The following DAPP1 variants were observed in gnomAD, a reference collection of about 807,000 sequenced individuals.
The protein encoded by DAPP1 is dual adapter for phosphotyrosine and 3-phosphotyrosine and 3-phosphoinositide.
In DAPP1, 20 loss-of-function variants were observed where a neutral mutation model predicts 41.5. The ratio of observed to expected loss-of-function variants is 0.48; its 90% CI spans 0.34 to 0.70. The LOEUF (loss-of-function observed/expected upper bound fraction) is 0.70, where lower values mean the gene tolerates loss of function less well. DAPP1 is among the 30% of genes least tolerant of loss of function. DAPP1 has a pLI of 0.01. For missense variants in DAPP1, 233 were observed against 333.4 expected (o/e 0.70, Z 2.35); for synonymous variants, 113 against 116.2 (o/e 0.97, Z 0.18).
chr4:99,856,370 A>T (rs936196176), intron 4 of DAPP1, among the ~76,000 whole-genome samples: 5 of 152,226 alleles, frequency 3.3e-5, no homozygotes, highest in African/African-American at 1.2e-4. Context: ...TCATGTCAAG[A>T]TGTGGAAAGA....
chr4:99,852,780 G>C (rs563367703), intron 3 of DAPP1, among the ~76,000 whole-genome samples: 1 of 152,298 alleles, frequency 6.6e-6, no homozygotes, highest in Admixed American at 6.5e-5. Context: ...CTTTTGTTTA[G>C]TCTTGTTCTC....
At chr4:99,821,266 T>C (rs958676291) in intron 1 of DAPP1, among the ~76,000 whole-genome samples, 1 of 152,188 alleles carries the variant, frequency 6.6e-6, no homozygotes, top group Non-Finnish European at 1.5e-5. Flanking sequence ...CAATAACACT[T>C]TCAATACGAT....
At position 99,840,434 on chromosome 4, in the gene DAPP1, G is replaced by A; in HGVS notation, c.358+12G>A. ...TGGAAGCGAGACAGGTAAGCTATGAGCAGACACTTGACTTATGAAATAATG... is the reference window on the plus strand; with the variant it reads ...TGGAAGCGAGACAGGTAAGCTATGAACAGACACTTGACTTATGAAATAATG... On this transcript the variant is annotated intron_variant, in intron 3 of 8. Transcript: ENST00000512369. 6.2e-7 allele frequency: 1 copy of A among 1,607,676 alleles called. No individual in the cohort carries two copies. The highest frequency in any genetic ancestry group is 8.5e-7 in the Non-Finnish European group (1 of 1,178,110).
intron 7 of DAPP1, 51 bp from the exon 8 acceptor site, chr4:99,865,954 ATATTATATATATTATATATATATATATAT>A (rs1724431735): frequency 2.2e-5 from 1 of 44,894 alleles, no homozygotes; most frequent in South Asian, 3.4e-4. Context: ...ATTATATATT[ATATTATATATATTATATATATATATATAT>A]ATATAGCTAA....
chr4:99,865,375 A>G (rs1724388171), intron 7 of DAPP1: 1 of 152,238 alleles, frequency 6.6e-6, no homozygotes, highest in Admixed American at 6.5e-5. Flanking sequence ...AAAAATTACT[A>G]TACATTTAGG....
chr4:99,859,535 C>G (rs1459083416), intron 4 of DAPP1, among the ~76,000 whole-genome samples: 1 of 152,158 alleles, frequency 6.6e-6, no homozygotes. Flanking sequence ...ACAATGCTTC[C>G]AATACCACAA....
At chr4:99,868,005 T>TA (rs1432934992) in intron 8 of DAPP1, 112 bp from the exon 9 acceptor site, 15 of 955,182 alleles carry the variant, frequency 1.6e-5, no homozygotes, top group Non-Finnish European at 2.5e-5. Flanking sequence ...ATAATTAACT[T>TA]AGAGTTGTAT....
chr4:99,840,472 G>A (rs751491218), intron 3 of DAPP1, 50 bp downstream of exon 3: 16 of 1,569,364 alleles, frequency 1.0e-5, no homozygotes, highest in Non-Finnish European at 1.4e-5. Context: ...TCGGGATGGA[G>A]GAGAGACAAG....
intron 3 of DAPP1, among the ~76,000 whole-genome samples, chr4:99,841,576 T>C (rs536799484): frequency 6.6e-6 from 1 of 152,228 alleles, no homozygotes; most frequent in Non-Finnish European, 1.5e-5. Context: ...GGTGTATTTA[T>C]TTCCACTGCT....
chr4:99,852,812 T>G (rs967545338), intron 3 of DAPP1, among the ~76,000 whole-genome samples: 2 of 152,210 alleles, frequency 1.3e-5, no homozygotes, highest in African/African-American at 4.8e-5. Context: ...AAAGCCTTCC[T>G]GGAAAACTTC....
chr4:99,859,010 C>T (rs1034128124), intron 4 of DAPP1, among the ~76,000 whole-genome samples: 9 of 152,112 alleles, frequency 5.9e-5, no homozygotes, highest in African/African-American at 2.2e-4. Flanking sequence ...GTGACTCTCC[C>T]TCCTCAGCCT....
At chr4:99,859,616 G>T (rs919131) in intron 4 of DAPP1, among the ~76,000 whole-genome samples, 1 of 152,022 alleles carries the variant, frequency 6.6e-6, no homozygotes, top group African/African-American at 2.4e-5. Flanking sequence ...GTACACTTAT[G>T]TGGTGATCAA....
chr4:99,836,667 G>T (rs147643485), intron 2 of DAPP1, among the ~76,000 whole-genome samples: 1 of 152,262 alleles, frequency 6.6e-6, no homozygotes, highest in Non-Finnish European at 1.5e-5. Context: ...CAGTCTACAC[G>T]GTCACTACTG....
chr4:99,864,042 G>C, intron 7 of DAPP1, 187 bp downstream of exon 7: 1 of 491,200 alleles, frequency 2.0e-6, no homozygotes. Context: ...AAACAAACAG[G>C]CAGGTCAGCT....
intron 1 of DAPP1, among the ~76,000 whole-genome samples, chr4:99,824,610 A>G (rs1043414585): frequency 6.6e-6 from 1 of 152,148 alleles, no homozygotes. Context: ...TGTCTCCTAC[A>G]CTAGCCCACA....
intron 3 of DAPP1, among the ~76,000 whole-genome samples, chr4:99,848,711 C>G (rs1267112158): frequency 6.6e-6 from 1 of 152,158 alleles, no homozygotes; most frequent in Non-Finnish European, 1.5e-5. Flanking sequence ...CTCCGCTCAG[C>G]CTTTCTGAAA....
At chr4:99,851,872 A>T (rs868257060) in intron 3 of DAPP1, among the ~76,000 whole-genome samples, 2 of 151,822 alleles carry the variant, frequency 1.3e-5, no homozygotes, top group Non-Finnish European at 2.9e-5. Context: ...TAGATTTATC[A>T]TTAACATTAG....
chr4:99,828,850 T>C (rs1466607203), intron 1 of DAPP1, among the ~76,000 whole-genome samples: 7 of 152,244 alleles, frequency 4.6e-5, no homozygotes, highest in African/African-American at 1.7e-4. Context: ...GGAGCTTGAT[T>C]AGTCTTTTCT....
chr4:99,835,576 C>A lies in DAPP1; in HGVS notation c.102-47C>A. Reference sequence around the variant, plus strand: ...AAGGAAAAGCCAGTGCAGGGGGAGTCATGCCATGGTTTGGCCTGAGTGAAA... The same window carrying A: ...AAGGAAAAGCCAGTGCAGGGGGAGTAATGCCATGGTTTGGCCTGAGTGAAA... On this transcript the variant is annotated intron_variant, in intron 1 of 8. Transcript: ENST00000512369. The A allele has an allele frequency of 1.9e-6, 3 of 1,600,940 alleles. No homozygotes were observed. In the South Asian group the frequency reaches 3.3e-5, roughly 18 times the overall value.
Sources: gnomAD v4.1 joint callset for allele counts (sites outside exome capture counted in the v4.1 genomes callset) on GRCh38, gnomAD v4.1.1 for gene constraint, MANE v1.5 for transcripts, NCBI Gene and HGNC (gene_info 2026-07-23, HGNC 2026-07-21) for gene names.